LRRC4C: variants seen among roughly 807,000 people sequenced by gnomAD.
LRRC4C encodes the protein leucine rich repeat containing 4C.
LRRC4C carries 5 observed loss-of-function variants against 33.6 expected under a neutral mutation model. That is an observed-to-expected ratio of 0.15 (90% CI 0.08 to 0.31). LRRC4C has a LOEUF of 0.31. Ranked by LOEUF, LRRC4C falls within the 10% of genes least tolerant of loss-of-function variation. The probability of loss-of-function intolerance (pLI) is 1.00; values close to 1 mark genes in which losing one functional copy is unlikely to be tolerated. For synonymous variants in LRRC4C, 329 were observed against 302.0 expected (o/e 1.09, Z -0.93); for missense variants, 560 against 796.7 (o/e 0.70, Z 3.58).
At chr11:40,267,791 G>A (rs924631269) in intron 4 of LRRC4C, among the ~76,000 whole-genome samples, 10 of 152,182 alleles carry the variant, frequency 6.6e-5, no homozygotes, top group Non-Finnish European at 1.5e-4. Context: ...GAGTGGGCCT[G>A]TAAGCTGAAA....
intron 5 of LRRC4C, among the ~76,000 whole-genome samples, chr11:40,223,313 A>G (rs1254482392): frequency 6.6e-6 from 1 of 152,138 alleles, no homozygotes; most frequent in Non-Finnish European, 1.5e-5. Flanking sequence ...TCAGTAGGAG[A>G]AAGGACACTA....
In LRRC4C at chr11:41,263,058, C is replaced by T. The variant is rs1591096944; in HGVS notation, c.-496+196373G>A. 3.9e-5 allele frequency among the ~76,000 whole-genome samples: 6 copies of T among 152,214 alleles called. No homozygotes were observed. The South Asian group carries it at 1.0e-3, about 26-fold the overall frequency. On this transcript the variant is annotated intron_variant, in intron 1 of 6. Transcript: ENST00000528697. ...AACAAGCTACCATGTTTTGGTCACA[C>T]AGGAAATAACACCTTACGAGGTCAA...
At chr11:40,315,032 A>G (rs1945507407) in intron 4 of LRRC4C, among the ~76,000 whole-genome samples, 1 of 152,066 alleles carries the variant, frequency 6.6e-6, no homozygotes, top group Admixed American at 6.5e-5. Context: ...ATACAGTTTC[A>G]TAGAGCTAAA....
At chr11:40,600,475 T>C (rs969819078) in intron 3 of LRRC4C, among the ~76,000 whole-genome samples, 2 of 152,226 alleles carry the variant, frequency 1.3e-5, no homozygotes, top group Admixed American at 1.3e-4. Flanking sequence ...AGGACACTGC[T>C]GGCATTTTGG....
chr11:40,744,520 G>A (rs1304817455), intron 2 of LRRC4C, among the ~76,000 whole-genome samples: 1 of 152,074 alleles, frequency 6.6e-6, no homozygotes, highest in Non-Finnish European at 1.5e-5. Flanking sequence ...GTGATCATTC[G>A]AACAATTATC....
intron 1 of LRRC4C, among the ~76,000 whole-genome samples, chr11:41,063,874 G>C (rs1748797153): frequency 6.6e-6 from 1 of 152,170 alleles, no homozygotes; most frequent in African/African-American, 2.4e-5. Context: ...TCAGATCATA[G>C]TAAGTGGTGG....
chr11:41,006,009 T>C (rs1032116594), intron 1 of LRRC4C, among the ~76,000 whole-genome samples: 6 of 152,116 alleles, frequency 3.9e-5, no homozygotes, highest in Admixed American at 3.3e-4. Flanking sequence ...TTCTCAGTTA[T>C]TTAAAGTAAA....
intron 3 of LRRC4C, among the ~76,000 whole-genome samples, chr11:40,627,609 T>C (rs1263865469): frequency 6.6e-6 from 1 of 152,176 alleles, no homozygotes; most frequent in Non-Finnish European, 1.5e-5. Context: ...TAATGTCTTC[T>C]TCCAGGTAGC....
At chr11:41,187,963 C>G (rs574211669) in intron 1 of LRRC4C, among the ~76,000 whole-genome samples, 21 of 152,334 alleles carry the variant, frequency 1.4e-4, no homozygotes, top group South Asian at 4.1e-4. Flanking sequence ...CATATCTGAA[C>G]AGTTTACATA....
intron 1 of LRRC4C, among the ~76,000 whole-genome samples, chr11:41,323,686 A>C (rs1298393503): frequency 6.6e-6 from 1 of 152,192 alleles, no homozygotes; most frequent in Non-Finnish European, 1.5e-5. Context: ...GACACCACTC[A>C]CATTGGCAGG....
chr11:41,351,149 C>T (rs1190394062), intron 1 of LRRC4C, among the ~76,000 whole-genome samples: 5 of 151,948 alleles, frequency 3.3e-5, no homozygotes, highest in African/African-American at 1.2e-4. Flanking sequence ...GGGAGGATTG[C>T]TTGAGTCTGA....
chr11:41,349,047 G>C (rs191976561), intron 1 of LRRC4C, among the ~76,000 whole-genome samples: 10 of 152,258 alleles, frequency 6.6e-5, no homozygotes, highest in Admixed American at 6.5e-4. Context: ...GGACAGAGTA[G>C]GGCTGTCTTT....
At chr11:40,834,132 C>G (rs1952547121) in intron 2 of LRRC4C, among the ~76,000 whole-genome samples, 1 of 152,070 alleles carries the variant, frequency 6.6e-6, no homozygotes, top group African/African-American at 2.4e-5. Flanking sequence ...AATAATCTCA[C>G]AGAATTATAA....
chr11:40,485,206 C>G (rs1421173845), intron 3 of LRRC4C, among the ~76,000 whole-genome samples: 2 of 151,178 alleles, frequency 1.3e-5, no homozygotes, highest in African/African-American at 4.9e-5. Flanking sequence ...ACATAATTGA[C>G]TATACTTCAT....
intron 5 of LRRC4C, among the ~76,000 whole-genome samples, chr11:40,160,116 G>A (rs571551616): frequency 3.3e-5 from 5 of 152,102 alleles, no homozygotes; most frequent in Admixed American, 6.5e-5. Context: ...GTGGTCATCC[G>A]TGGTTGTTCA....
chr11:40,386,062 T>C (rs1949099419), intron 3 of LRRC4C, among the ~76,000 whole-genome samples: 1 of 136,084 alleles, frequency 7.3e-6, no homozygotes, highest in African/African-American at 2.7e-5. Flanking sequence ...GAAAATAAAA[T>C]AAAATGAAAT....
intron 2 of LRRC4C, among the ~76,000 whole-genome samples, chr11:40,697,433 T>C (rs528862394): frequency 6.6e-6 from 1 of 152,294 alleles, no homozygotes; most frequent in Admixed American, 6.5e-5. Context: ...TTTTTGGATA[T>C]ACATTATTTT....
intron 3 of LRRC4C, among the ~76,000 whole-genome samples, chr11:40,424,434 G>T (rs1394602957): frequency 6.6e-6 from 1 of 152,000 alleles, no homozygotes; most frequent in Non-Finnish European, 1.5e-5. Context: ...TATTTTTAGG[G>T]CCTCATGAAA....
At chr11:40,696,633 G>A (rs116731420) in intron 2 of LRRC4C, among the ~76,000 whole-genome samples, 6 of 148,910 alleles carry the variant, frequency 4.0e-5, no homozygotes, top group African/African-American at 1.5e-4. Flanking sequence ...TAGGCTAATG[G>A]GGACAGTCTG....
Sources: gnomAD v4.1 joint callset for allele counts (sites outside exome capture counted in the v4.1 genomes callset) on GRCh38, gnomAD v4.1.1 for gene constraint, MANE v1.5 for transcripts, NCBI Gene and HGNC (gene_info 2026-07-23, HGNC 2026-07-21) for gene names.